Variants in SLC38A10 observed in about 807,000 individuals in gnomAD.
The protein encoded by SLC38A10 is solute carrier family 38 member 10, also known as Sodium-coupled neutral amino acid transporter 10.
A neutral mutation model predicts 81.0 loss-of-function variants in SLC38A10; 53 were observed. The observed-to-expected ratio is 0.65, with a 90% CI of 0.53 to 0.82. The LOEUF (loss-of-function observed/expected upper bound fraction) is 0.82, where lower values mean the gene tolerates loss of function less well. Ranked by LOEUF, SLC38A10 falls within the 40% of genes least tolerant of loss-of-function variation. The pLI is 0.00. For missense variants in SLC38A10, 1,471 were observed against 1,545.0 expected (o/e 0.95, Z 0.80); for synonymous variants, 665 against 655.3 (o/e 1.01, Z -0.23).
intron 1 of SLC38A10, among the ~76,000 whole-genome samples, chr17:81,294,488 C>T (rs566319117): frequency 1.3e-5 from 2 of 152,330 alleles, no homozygotes; most frequent in African/African-American, 4.8e-5. Context: ...TTTTTAAAAA[C>T]ACGATAAAAT....
Position 81,270,873 on chromosome 17 carries a change from A to C in SLC38A10, c.1131+45T>G. The stretch of plus-strand genomic sequence containing the variant: ...TCCCGCCTCCACCTCTCCCCAGCCC[A>C]GACCCATCAGCCCTCGTCCAGGCCA... On this transcript the variant is annotated intron_variant, in intron 10 of 15. Coordinates refer to ENST00000374759, the MANE Select transcript of SLC38A10 (RefSeq NM_001037984.3). The surrounding 1 kb of genome is among the most constrained non-coding windows in gnomAD (Gnocchi z 4.0). The C allele has an allele frequency of 6.4e-7, 1 of 1,556,560 alleles. No homozygotes were observed. Among genetic ancestry groups the C allele is most frequent in the East Asian group, 2.2e-5 (1 of 44,618 alleles).
Position 81,250,101 on chromosome 17 carries a change from TC to T in SLC38A10, c.2065+1391del, listed in dbSNP as rs1387322364. On this transcript the variant is annotated intron_variant, in intron 14 of 15. Transcript: ENST00000374759. ...CTATCTTTTTAATTTCAGCTGCTCGTCCCGTTGAGAGGCATACGGAAGAAAG... is the reference window on the plus strand; with the variant it reads ...CTATCTTTTTAATTTCAGCTGCTCGTCCGTTGAGAGGCATACGGAAGAAAG... 3 of 1,287,864 alleles carry T rather than the reference TC, an allele frequency of 2.3e-6. No individual in the cohort carries two copies. In the African/African-American group the frequency reaches 4.6e-5, roughly 20 times the overall value. The allele number at this position is 1,287,864 out of a possible 1,614,324, so 79.8% of individuals were successfully genotyped here. A position where few individuals can be genotyped will look rare whatever the true frequency, so the allele number is the denominator to read the frequency against.
intron 13 of SLC38A10, chr17:81,251,825 A>G (rs139633771): frequency 1.1e-5 from 6 of 549,196 alleles, no homozygotes; most frequent in African/African-American, 1.9e-5. Flanking sequence ...CAATGAGCCA[A>G]TGGTAACTGC....
In SLC38A10 at chr17:81,283,844, C is replaced by A. The variant is rs2063238929; in HGVS notation, c.264-342G>T. On this transcript the variant is annotated intron_variant, in intron 3 of 15. Transcript: ENST00000374759. This position sits in a 1 kb window ranked among gnomAD's most constrained non-coding sequence, Gnocchi z 4.7. ...CAGGATGGTCTCGATCTCCTGACCT[C>A]TGTGATCCGCCTGCCTCAGCCTCCC... Among the ~76,000 whole-genome samples, 1 of 151,358 alleles carries A rather than the reference C, an allele frequency of 6.6e-6. No homozygotes were observed. The highest frequency in any genetic ancestry group is 1.5e-5 in the Non-Finnish European group (1 of 67,834).
At position 81,246,623 on chromosome 17, in the gene SLC38A10, G is replaced by A. The variant is rs1264811208; in HGVS notation, c.2293C>T (p.Pro765Ser). Residue 765 changes from proline (P) to serine (S), a missense_variant, in exon 16 of 16, where the codon CCT (proline) becomes TCT (serine). Pro to Ser is a moderately conservative substitution (Grantham distance 74). This residue lies in a region of SLC38A10 where 751 missense variants were observed against 717.4 expected (regional missense o/e 1.05). Transcript: ENST00000374759. ...ACCGTCTCCCTGGCCTTGCCTTCAG[G>A]GGCCTCCTGGCCTCTGGGCACCGCT... ...GAAVPRGQEAPEGKARETVEN... is the reference protein window; with the variant it reads ...GAAVPRGQEASEGKARETVEN... 4.0e-6 allele frequency: 6 copies of A among 1,515,396 alleles called. No individual in the cohort carries two copies. The African/African-American group carries it at 8.4e-5, about 21-fold the overall frequency. The allele number at this position is 1,515,396 out of a possible 1,614,324, so 93.9% of individuals were successfully genotyped here.
chr17:81,251,922 G>A (rs368252071), intron 13 of SLC38A10: 25 of 534,578 alleles, frequency 4.7e-5, no homozygotes, highest in East Asian at 3.9e-4. Context: ...CCCCCGCGCC[G>A]CCCCCCGTGT....
chr17:81,257,447 C>T (rs1196580500), intron 11 of SLC38A10, among the ~76,000 whole-genome samples: 1 of 152,202 alleles, frequency 6.6e-6, no homozygotes, highest in Non-Finnish European at 1.5e-5. Context: ...CTCTCCTCCT[C>T]TTATAATTTT....
intron 10 of SLC38A10, among the ~76,000 whole-genome samples, chr17:81,261,146 C>T (rs2063019471): frequency 6.6e-6 from 1 of 152,262 alleles, no homozygotes; most frequent in African/African-American, 2.4e-5. Context: ...CCCCCGCTCC[C>T]CGGCCAATCG....
In SLC38A10 at chr17:81,253,509, C is replaced by T. The variant is rs945098921; in HGVS notation, c.1289-269G>A. 4.6e-5 allele frequency among the ~76,000 whole-genome samples: 7 copies of T among 152,188 alleles called. No homozygotes were observed. The highest frequency in any genetic ancestry group is 1.2e-4 in the African/African-American group (5 of 41,498). ...ATACTCAGTCATTACCACCAGATGG[C>T]GGCACGAGCCCACCGACCCACTCTC... On this transcript the variant is annotated intron_variant, in intron 11 of 15. Transcript: ENST00000374759. The surrounding 1 kb of genome is among the most constrained non-coding windows in gnomAD (Gnocchi z 4.1).
chr17:81,283,528 A>T lies in SLC38A10; in HGVS notation c.264-26T>A. On this transcript the variant is annotated intron_variant, in intron 3 of 15. Transcript: ENST00000374759. The surrounding 1 kb of genome is among the most constrained non-coding windows in gnomAD (Gnocchi z 4.7). ...CTGCACAGGGACGGGGGGTACGGGA[A>T]ATGCCATCAGGGCAAGCTGGCACAC... 6.3e-7 allele frequency: 1 copy of T among 1,589,566 alleles called. No individual in the cohort carries two copies.
At position 81,256,913 on chromosome 17, in the gene SLC38A10, C is replaced by T. The variant is rs180948523; in HGVS notation, c.1288+3325G>A. 4.9e-4 allele frequency among the ~76,000 whole-genome samples: 74 copies of T among 152,310 alleles called. 1 individual carries two copies. Among genetic ancestry groups the T allele is most frequent in the Admixed American group, 3.9e-3 (59 of 15,308 alleles). On this transcript the variant is annotated intron_variant, in intron 11 of 15. Transcript: ENST00000374759. ...GCAACACAGCCAGGCCCTGGTACAG[C>T]CTCCGGCAGGCGGAACCTCCTCACC...
intron 10 of SLC38A10, 43 bp from the exon 11 acceptor site, chr17:81,260,437 C>T: frequency 5.7e-6 from 9 of 1,571,130 alleles, no homozygotes; most frequent in Non-Finnish European, 7.8e-6. Context: ...ACAGCTGGCC[C>T]CCGCCCCTGC....
chr17:81,291,544 G>C (rs1281737415), intron 1 of SLC38A10, among the ~76,000 whole-genome samples: 1 of 151,038 alleles, frequency 6.6e-6, no homozygotes, highest in Non-Finnish European at 1.5e-5. Context: ...ATATCACCAA[G>C]CACTCATCAG....
intron 10 of SLC38A10, among the ~76,000 whole-genome samples, chr17:81,261,059 C>A (rs1293719237): frequency 6.6e-6 from 1 of 152,246 alleles, no homozygotes; most frequent in Non-Finnish European, 1.5e-5. Flanking sequence ...GTGGTGCCCA[C>A]TGGGGTCACC....
In SLC38A10 at chr17:81,289,740, G is replaced by T; in HGVS notation, c.168C>A (p.Phe56Leu). Residue 56 changes from phenylalanine (F) to leucine (L), a missense_variant, in exon 2 of 16, where the codon TTC becomes TTA. Transcript: ENST00000374759. This position sits in a 1 kb window ranked among gnomAD's most constrained non-coding sequence, Gnocchi z 5.9. ...TGCTCAGGCTGGCCGACTTCACCAA[G>T]AACATGCACGACTGGTGCGTCATCC... ...CSWMTHQSCM[F>L]LVKSASLSKR... 6.2e-7 allele frequency: 1 copy of T among 1,611,782 alleles called. No homozygotes were observed. The highest frequency in any genetic ancestry group is 8.5e-7 in the Non-Finnish European group (1 of 1,179,746).
At chr17:81,294,547 T>G (rs1182659336) in intron 1 of SLC38A10, among the ~76,000 whole-genome samples, 2 of 152,246 alleles carry the variant, frequency 1.3e-5, no homozygotes, top group Non-Finnish European at 2.9e-5. Context: ...GAGGATCATT[T>G]TGCTTTGTTA....
intron 2 of SLC38A10, 49 bp from the exon 3 acceptor site, chr17:81,284,944 G>C (rs149185322): frequency 6.6e-7 from 1 of 1,508,356 alleles, no homozygotes; most frequent in Non-Finnish European, 8.9e-7. Flanking sequence ...TGAGAAGCTC[G>C]TCCAGAACAA....
chr17:81,245,193 C>T lies in SLC38A10; in HGVS notation c.*363G>A, dbSNP rs79388860. The T allele has an allele frequency of 4.6e-3, 1,134 of 247,222 alleles. 21 individuals are homozygous for T. Among genetic ancestry groups the T allele is most frequent in the African/African-American group, 0.024 (1,048 of 44,492 alleles). The allele number at this position is 247,222 out of a possible 1,614,324, so 15.3% of individuals were successfully genotyped here. On this transcript the variant is annotated 3_prime_UTR_variant, in exon 16 of 16. Transcript: ENST00000374759. ...GGCCGAGCTCAACCCGAAGACCACG[C>T]GTGCTCCCTGGCAGGAGCAGGAGGC... is the stretch of plus-strand genomic sequence containing the variant.
At chr17:81,258,060 T>G (rs1423815855) in intron 11 of SLC38A10, among the ~76,000 whole-genome samples, 1 of 152,216 alleles carries the variant, frequency 6.6e-6, no homozygotes, top group African/African-American at 2.4e-5. Flanking sequence ...CACAAAGGCC[T>G]GTGAAGCCGT....
Sources: allele counts gnomAD v4.1 joint callset (sites outside exome capture counted in the v4.1 genomes callset), GRCh38; gene constraint gnomAD v4.1.1; regional missense constraint gnomAD v4.1.1; non-coding constraint Gnocchi (gnomAD v3.1); transcripts MANE v1.5; gene names NCBI Gene and HGNC (gene_info 2026-07-23, HGNC 2026-07-21).